The following SLX4IP variants were observed in gnomAD, a reference collection of about 807,000 sequenced individuals.
The protein encoded by SLX4IP is protein SLX4IP.
In SLX4IP, 34 loss-of-function variants were observed where a neutral mutation model predicts 32.9. The ratio of observed to expected loss-of-function variants is 1.03; its 90% CI spans 0.79 to 1.38. The LOEUF (loss-of-function observed/expected upper bound fraction) is 1.38, where lower values mean the gene tolerates loss of function less well. SLX4IP is among the 40% of genes most tolerant of loss of function. The pLI is 0.00. For missense variants in SLX4IP, 444 were observed against 479.0 expected (o/e 0.93, Z 0.68); for synonymous variants, 172 against 171.7 (o/e 1.00, Z -0.01).
At chr20:10,600,024 TGTTG>T (rs2066822323) in intron 5 of SLX4IP, among the ~76,000 whole-genome samples, 1 of 144,826 alleles carries the variant, frequency 6.9e-6, no homozygotes, top group Non-Finnish European at 1.5e-5. Context: ...ACTAATGAAC[TGTTG>T]TATTTCAATT....
At chr20:10,620,834 C>T (rs960314392) in intron 6 of SLX4IP, among the ~76,000 whole-genome samples, 2 of 152,204 alleles carry the variant, frequency 1.3e-5, no homozygotes, top group African/African-American at 4.8e-5. Context: ...GGATTACAGG[C>T]GTGAGCCACT....
Position 10,623,486 on chromosome 20 carries a change from C to A in SLX4IP, c.*107C>A. ...ATTTTAAAGGAATTAATTAGAATGA[C>A]TAATTTAAATAGGAAGTGTGTTATC... On this transcript the variant is annotated 3_prime_UTR_variant, in exon 8 of 8. Transcript: ENST00000334534. 2.1e-6 allele frequency: 3 copies of A among 1,434,042 alleles called. No individual in the cohort carries two copies. Among genetic ancestry groups the A allele is most frequent in the South Asian group, 2.9e-5 (2 of 68,956 alleles). The allele number at this position is 1,434,042 out of a possible 1,614,324, so 88.8% of individuals were successfully genotyped here. A position where few individuals can be genotyped will look rare whatever the true frequency, so the allele number is the denominator to read the frequency against.
intron 2 of SLX4IP, among the ~76,000 whole-genome samples, chr20:10,473,798 G>T (rs758076153): frequency 6.6e-6 from 1 of 150,868 alleles, no homozygotes; most frequent in Non-Finnish European, 1.5e-5. Flanking sequence ...TAGAGACGGG[G>T]TTTCACCATG....
chr20:10,567,661 T>A lies in SLX4IP; in HGVS notation c.238+6841T>A, dbSNP rs1293109406. Among the ~76,000 whole-genome samples, 5 of 152,350 alleles carry A rather than the reference T, an allele frequency of 3.3e-5. No individual in the cohort carries two copies. In the South Asian group the frequency reaches 8.3e-4, roughly 25 times the overall value. ...GAACTTTCACAAAATGTATAAATAT[T>A]CTCACACTCTATATAACTTTTCCCC... On this transcript the variant is annotated intron_variant, in intron 4 of 7. Transcript: ENST00000334534.
intron 4 of SLX4IP, 85 bp from the exon 5 acceptor site, chr20:10,598,590 G>A: frequency 8.2e-7 from 1 of 1,215,236 alleles, no homozygotes; most frequent in South Asian, 1.2e-5. Context: ...TATTGAATGT[G>A]TCTTTTATGG....
At chr20:10,473,641 C>T (rs1268328028) in intron 2 of SLX4IP, among the ~76,000 whole-genome samples, 1 of 150,152 alleles carries the variant, frequency 6.7e-6, no homozygotes, top group Non-Finnish European at 1.5e-5. Flanking sequence ...CTCACTGTGT[C>T]ACCCAGGCTG....
At chr20:10,451,749 A>T (rs1226504095) in intron 1 of SLX4IP, among the ~76,000 whole-genome samples, 11 of 151,398 alleles carry the variant, frequency 7.3e-5, no homozygotes, top group African/African-American at 2.4e-4. Flanking sequence ...CGGGTGAATC[A>T]TGAGGTCAGG....
intron 2 of SLX4IP, among the ~76,000 whole-genome samples, chr20:10,475,440 T>C (rs2065468128): frequency 6.6e-6 from 1 of 152,172 alleles, no homozygotes. Context: ...ATGGGCAGTT[T>C]ATGATAAGGG....
intron 2 of SLX4IP, among the ~76,000 whole-genome samples, chr20:10,526,561 T>A (rs2065941868): frequency 6.6e-6 from 1 of 152,226 alleles, no homozygotes; most frequent in South Asian, 2.1e-4. Flanking sequence ...TAGGCTTCTG[T>A]ATTTGTTTCC....
intron 2 of SLX4IP, among the ~76,000 whole-genome samples, chr20:10,526,182 C>T (rs2065938898): frequency 6.6e-6 from 1 of 152,166 alleles, no homozygotes; most frequent in Admixed American, 6.5e-5. Flanking sequence ...AGGGTTCTTC[C>T]CCAATATTCT....
At chr20:10,584,819 T>A (rs986891343) in intron 4 of SLX4IP, among the ~76,000 whole-genome samples, 3 of 152,180 alleles carry the variant, frequency 2.0e-5, no homozygotes, top group Admixed American at 2.0e-4. Context: ...GATGATAAGT[T>A]TTAGGAATAT....
In SLX4IP at chr20:10,579,439, C is replaced by CT. The variant is rs1212616347; in HGVS notation, c.238+18625dup. ...TTTTCTTTTCTTTTTTCTTTTTTTT[C>CT]TTTTTTCAGACAGAGTCTCTCTCTG... On this transcript the variant is annotated intron_variant, in intron 4 of 7. Coordinates refer to ENST00000334534, the MANE Select transcript of SLX4IP (RefSeq NM_001009608.3). Among the ~76,000 whole-genome samples the CT allele has an allele frequency of 5.0e-4, 74 of 147,956 alleles. 1 individual carries two copies. The highest frequency in any genetic ancestry group is 1.0e-4 in the Non-Finnish European group (7 of 66,742).
At chr20:10,570,424 G>A (rs1014458343) in intron 4 of SLX4IP, among the ~76,000 whole-genome samples, 9 of 152,298 alleles carry the variant, frequency 5.9e-5, no homozygotes, top group South Asian at 4.1e-4. Flanking sequence ...GGGGATCACC[G>A]GGCACAGGCT....
chr20:10,436,302 CCTT>C (rs746407842), intron 1 of SLX4IP, among the ~76,000 whole-genome samples: 3 of 152,114 alleles, frequency 2.0e-5, no homozygotes, highest in Admixed American at 1.3e-4. Flanking sequence ...AAGAAGTGTA[CCTT>C]AAAGTTCAAG....
Position 10,565,520 on chromosome 20 carries a change from T to G in SLX4IP, c.238+4700T>G, listed in dbSNP as rs1184225147. Among the ~76,000 whole-genome samples the G allele has an allele frequency of 2.0e-5, 3 of 152,308 alleles. No individual in the cohort carries two copies. The South Asian group carries it at 6.2e-4, about 32-fold the overall frequency. ...TGTGGCCACAGCCTTGTGCTGTTTT[T>G]TCCCTTTTGAGTCCACCACAAGGCA... On this transcript the variant is annotated intron_variant, in intron 4 of 7. Coordinates refer to ENST00000334534, the MANE Select transcript of SLX4IP (RefSeq NM_001009608.3).
chr20:10,466,192 T>G (rs972237734), intron 2 of SLX4IP, among the ~76,000 whole-genome samples: 1 of 152,248 alleles, frequency 6.6e-6, no homozygotes, highest in Non-Finnish European at 1.5e-5. Context: ...AAAGTTTATG[T>G]GTCCACCCGC....
chr20:10,595,293 G>C (rs2066756293), intron 4 of SLX4IP, among the ~76,000 whole-genome samples: 1 of 152,122 alleles, frequency 6.6e-6, no homozygotes, highest in African/African-American at 2.4e-5. Context: ...CTCAGATTTA[G>C]GAGCACCACA....
intron 6 of SLX4IP, among the ~76,000 whole-genome samples, chr20:10,607,547 G>T (rs1170574091): frequency 6.6e-6 from 1 of 152,138 alleles, no homozygotes; most frequent in Non-Finnish European, 1.5e-5. Flanking sequence ...ATCAGTTAAG[G>T]CCAAGGCTCA....
chr20:10,446,128 T>C (rs1285911254), intron 1 of SLX4IP, among the ~76,000 whole-genome samples: 1 of 151,858 alleles, frequency 6.6e-6, no homozygotes, highest in Non-Finnish European at 1.5e-5. Flanking sequence ...AAAGTTACTA[T>C]GATGGCCGGA....
Sources: allele counts gnomAD v4.1 joint callset (sites outside exome capture counted in the v4.1 genomes callset), GRCh38; gene constraint gnomAD v4.1.1; transcripts MANE v1.5; gene names NCBI Gene and HGNC (gene_info 2026-07-23, HGNC 2026-07-21).